TFEB: variants seen among roughly 807,000 people sequenced by gnomAD.
TFEB encodes the protein transcription factor EB, also known as T-cell transcription factor EB.
TFEB carries 12 observed loss-of-function variants against 48.0 expected under a neutral mutation model. The ratio of observed to expected loss-of-function variants is 0.25; its 90% CI spans 0.16 to 0.40. TFEB has a LOEUF of 0.40. TFEB is among the 10% of genes least tolerant of loss of function. The probability of loss-of-function intolerance (pLI) is 1.00; values close to 1 mark genes in which losing one functional copy is unlikely to be tolerated. For synonymous variants in TFEB, 244 were observed against 261.4 expected (o/e 0.93, Z 0.64); for missense variants, 509 against 640.3 (o/e 0.79, Z 2.21).
In TFEB at chr6:41,684,649, C is replaced by G; in HGVS notation, c.1381G>C (p.Ala461Pro). The G allele has an allele frequency of 1.9e-6, 3 of 1,610,874 alleles. No individual in the cohort carries two copies. The highest frequency in any genetic ancestry group is 2.5e-6 in the Non-Finnish European group (3 of 1,178,642). Residue 461 changes from alanine to proline, a missense_variant, in exon 9 of 9, where the codon GCC (alanine) becomes CCC (proline). By Grantham distance (27) the Ala-to-Pro change is conservative. This residue lies in a region of TFEB where 168 missense variants were observed against 161.0 expected (regional missense o/e 1.04). Coordinates refer to ENST00000373033, the MANE Select transcript of TFEB (RefSeq NM_001271944.2). ...CTGAAGCTGCTCCGGCGGCTGCTGG[C>G]CTTGGAGGCCTCGGGGGACATGGTG... ...LSTMSPEASK[A>P]SSRRSSFSME...
Position 41,723,879 on chromosome 6 carries a change from AG to A in TFEB, c.-23+11470del, listed in dbSNP as rs1771096179. 2.0e-6 allele frequency: 1 copy of A among 504,706 alleles called. No individual in the cohort carries two copies. Among genetic ancestry groups the A allele is most frequent in the Admixed American group, 2.0e-5 (1 of 49,740 alleles). The allele number at this position is 504,706 out of a possible 1,614,324, so 31.3% of individuals were successfully genotyped here. On this transcript the variant is annotated intron_variant, in intron 1 of 8. Transcript: ENST00000373033. The surrounding 1 kb of genome is among the most constrained non-coding windows in gnomAD (Gnocchi z 6.0). ...CACAGAGCAGCAAGAATTTCGCCAG[AG>A]TCCCAATCCCACCAGGTCCAGGGTG...
intron 1 of TFEB, among the ~76,000 whole-genome samples, chr6:41,711,684 C>T (rs983173002): frequency 6.6e-6 from 1 of 152,146 alleles, no homozygotes; most frequent in African/African-American, 2.4e-5. Context: ...AGGGAGGAGC[C>T]CTTCAGCTCC....
chr6:41,684,597 G>A lies in TFEB; in HGVS notation c.*2C>T, dbSNP rs1768886665. The A allele has an allele frequency of 9.6e-6, 15 of 1,565,744 alleles. No homozygotes were observed. Among genetic ancestry groups the A allele is most frequent in the East Asian group, 9.0e-5 (4 of 44,226 alleles). ...TGTTCCCTGGCACAGGGGCAGCCAG[G>A]GTCACAGCACATCGCCCTCCTCCAT... On this transcript the variant is annotated 3_prime_UTR_variant, in exon 9 of 9. Transcript: ENST00000373033.
intron 1 of TFEB, among the ~76,000 whole-genome samples, chr6:41,715,789 T>C (rs1770711845): frequency 6.6e-6 from 1 of 152,152 alleles, no homozygotes; most frequent in Admixed American, 6.5e-5. Flanking sequence ...CTTTCTTGTA[T>C]ATAAAGAAGT....
In TFEB at chr6:41,691,185, T is replaced by C; in HGVS notation, c.29A>G (p.Gln10Arg). 6.3e-7 allele frequency: 1 copy of C among 1,589,786 alleles called. No homozygotes were observed. Among genetic ancestry groups the C allele is most frequent in the Non-Finnish European group, 8.6e-7 (1 of 1,165,972 alleles). MASRIGLRM[Q>R]LMREQAQQEE... Reference sequence around the variant, plus strand: ...CTGCTGCGCCTGCTCCCGCATGAGCTGCATGCGCAACCCTATGCGTGACGC... The same window carrying C: ...CTGCTGCGCCTGCTCCCGCATGAGCCGCATGCGCAACCCTATGCGTGACGC... Residue 10 changes from glutamine to arginine, a missense_variant, in exon 2 of 9, where the codon CAG becomes CGG. By Grantham distance (43) the Gln-to-Arg change is conservative. Around this residue, in one of 4 missense-constraint regions of TFEB, gnomAD observed 251 missense variants for 317.2 expected, o/e 0.79. Transcript: ENST00000373033. This position sits in a 1 kb window ranked among gnomAD's most constrained non-coding sequence, Gnocchi z 5.2.
chr6:41,688,123 G>T, intron 4 of TFEB, 95 bp from the exon 5 acceptor site: 1 of 1,461,432 alleles, frequency 6.8e-7, no homozygotes, highest in Non-Finnish European at 9.2e-7. Flanking sequence ...TCCTTCCTGG[G>T]GACACCTGGA....
intron 1 of TFEB, among the ~76,000 whole-genome samples, chr6:41,702,989 G>A (rs1340077875): frequency 2.0e-5 from 3 of 152,328 alleles, no homozygotes; most frequent in African/African-American, 4.8e-5. Flanking sequence ...GGGCTGGTCC[G>A]GTGGAATCGG....
intron 3 of TFEB, among the ~76,000 whole-genome samples, chr6:41,690,147 T>C (rs2127448010): frequency 1.3e-5 from 2 of 150,186 alleles, no homozygotes; most frequent in South Asian, 4.2e-4. Context: ...TTTTTTTTTT[T>C]CGAGAAGGAG....
Position 41,723,040 on chromosome 6 carries a change from A to G in TFEB, c.-23+12310T>C, listed in dbSNP as rs1771049482. On this transcript the variant is annotated intron_variant, in intron 1 of 8. Coordinates refer to ENST00000373033, the MANE Select transcript of TFEB (RefSeq NM_001271944.2). The surrounding 1 kb of genome is among the most constrained non-coding windows in gnomAD (Gnocchi z 6.0). ...GTAGAGCATATGCTCCCAGCCCCTA[A>G]TGTAAATGGGTATTCACTGTGGCCT... Among the ~76,000 whole-genome samples the G allele has an allele frequency of 6.6e-6, 1 of 152,128 alleles. No individual in the cohort carries two copies. Among genetic ancestry groups the G allele is most frequent in the South Asian group, 2.1e-4 (1 of 4,830 alleles).
rs112534698 is a variant in TFEB, at chr6:41,700,232, T to C, written c.-22-8997A>G. Among the ~76,000 whole-genome samples the C allele has an allele frequency of 3.2e-3, 480 of 151,996 alleles. 2 individuals are homozygous for C. In the Middle Eastern group the frequency reaches 0.044, roughly 14 times the overall value. ...CTGTAATCCCAGCACTTTGGGAGGC[T>C]GAGGCGGGCGGATCACAAGGTCAAG... On this transcript the variant is annotated intron_variant, in intron 1 of 8. Transcript: ENST00000373033.
chr6:41,722,803 T>C (rs1359566153), intron 1 of TFEB, among the ~76,000 whole-genome samples: 1 of 152,230 alleles, frequency 6.6e-6, no homozygotes, highest in Non-Finnish European at 1.5e-5. Context: ...AAACATGCTA[T>C]GTCCTGGTGA....
At chr6:41,727,392 G>A (rs1771258440) in intron 1 of TFEB, among the ~76,000 whole-genome samples, 1 of 152,108 alleles carries the variant, frequency 6.6e-6, no homozygotes, top group South Asian at 2.1e-4. Flanking sequence ...AGGGTGGAGG[G>A]GAGAAAAAAG....
chr6:41,690,244 C>T (rs1016651954), intron 3 of TFEB, among the ~76,000 whole-genome samples: 2 of 152,098 alleles, frequency 1.3e-5, no homozygotes, highest in Non-Finnish European at 2.9e-5. Flanking sequence ...GATTCTCCTG[C>T]CTCAGCCTCC....
chr6:41,688,417 C>T (rs1224079299), intron 4 of TFEB, among the ~76,000 whole-genome samples: 1 of 151,922 alleles, frequency 6.6e-6, no homozygotes, highest in Non-Finnish European at 1.5e-5. Flanking sequence ...CGGGCAGCCA[C>T]CAGGGCACAA....
At chr6:41,700,738 G>A (rs1171714510) in intron 1 of TFEB, among the ~76,000 whole-genome samples, 2 of 152,160 alleles carry the variant, frequency 1.3e-5, no homozygotes, top group Admixed American at 6.5e-5. Flanking sequence ...GAGGAAGGGC[G>A]GTCACACAAG....
intron 7 of TFEB, chr6:41,686,869 G>A (rs1769037781): frequency 1.7e-6 from 1 of 576,772 alleles, no homozygotes; most frequent in African/African-American, 1.9e-5. Flanking sequence ...CCTCCAAGAA[G>A]CCTCCCTTGA....
chr6:41,736,111 C>T, upstream of TFEB: 1 of 1,612,752 alleles, frequency 6.2e-7, no homozygotes, highest in South Asian at 1.1e-5. Flanking sequence ...GGCAGCCTGC[C>T]CCCATTATGG....
At chr6:41,695,451 T>C (rs1769528021) in intron 1 of TFEB, among the ~76,000 whole-genome samples, 1 of 152,216 alleles carries the variant, frequency 6.6e-6, no homozygotes, top group African/African-American at 2.4e-5. Flanking sequence ...CTTTTCCTAA[T>C]GTTAATTCTG....
intron 1 of TFEB, among the ~76,000 whole-genome samples, chr6:41,708,717 A>G (rs1196956397): frequency 6.6e-6 from 1 of 152,220 alleles, no homozygotes; most frequent in South Asian, 2.1e-4. Flanking sequence ...GGAGGCAGTT[A>G]TGACCTGATA....
Sources: gnomAD v4.1 joint callset for allele counts (sites outside exome capture counted in the v4.1 genomes callset) on GRCh38, gnomAD v4.1.1 for gene constraint, gnomAD v4.1.1 regional missense constraint, Gnocchi (gnomAD v3.1) non-coding constraint, MANE v1.5 for transcripts, NCBI Gene and HGNC (gene_info 2026-07-23, HGNC 2026-07-21) for gene names.